Variants in GSE1 observed in about 807,000 individuals in gnomAD.
GSE1 encodes the protein Gse1 coiled-coil protein.
Under a neutral mutation model 112.6 loss-of-function variants are expected in GSE1, and 32 were observed. The ratio of observed to expected loss-of-function variants is 0.28; its 90% CI spans 0.21 to 0.38. The LOEUF is 0.38. GSE1 is among the 10% of genes least tolerant of loss of function. The pLI is 1.00. For missense variants in GSE1, 2,348 were observed against 1,699.2 expected (o/e 1.38, Z -6.71); for synonymous variants, 1,115 against 735.6 (o/e 1.52, Z -8.35).
intron 1 of GSE1, among the ~76,000 whole-genome samples, chr16:85,256,312 C>T (rs532453670): frequency 5.9e-5 from 9 of 152,268 alleles, no homozygotes; most frequent in African/African-American, 9.6e-5. Context: ...GTGGAGCACC[C>T]GCTATAAGGC....
intron 1 of GSE1, among the ~76,000 whole-genome samples, chr16:85,591,794 T>C (rs952984497): frequency 2.0e-5 from 3 of 152,246 alleles, no homozygotes; most frequent in Non-Finnish European, 4.4e-5. Flanking sequence ...TTCTGGGTGC[T>C]AGGAATTCAT....
chr16:85,625,488 C>T (rs571411312), intron 1 of GSE1, among the ~76,000 whole-genome samples: 1 of 152,334 alleles, frequency 6.6e-6, no homozygotes, highest in South Asian at 2.1e-4. Context: ...TGGGAAGCCC[C>T]TCCAGGTGAC....
At chr16:85,576,645 C>T (rs961665837) in intron 1 of GSE1, among the ~76,000 whole-genome samples, 2 of 152,162 alleles carry the variant, frequency 1.3e-5, no homozygotes, top group Admixed American at 6.5e-5. Context: ...ATGGGTATTA[C>T]GGGGCATTTT....
intron 1 of GSE1, among the ~76,000 whole-genome samples, chr16:85,260,439 C>A (rs1427407113): frequency 6.8e-6 from 1 of 146,228 alleles, no homozygotes; most frequent in Non-Finnish European, 1.5e-5. Context: ...TCTCCTGCTT[C>A]AGCGTCCCAA....
intron 1 of GSE1, among the ~76,000 whole-genome samples, chr16:85,271,347 C>T (rs953400558): frequency 6.6e-6 from 1 of 152,206 alleles, no homozygotes; most frequent in Admixed American, 6.5e-5. Flanking sequence ...GACATCTCTG[C>T]TCACATGAAT....
chr16:85,329,628 C>T (rs1034127058), intron 1 of GSE1, among the ~76,000 whole-genome samples: 1 of 151,920 alleles, frequency 6.6e-6, no homozygotes, highest in Non-Finnish European at 1.5e-5. Context: ...AGAAGGTTCG[C>T]CTGTGCCAAG....
chr16:85,191,643 C>T lies in GSE1; in HGVS notation c.2283+19836C>T, dbSNP rs141509155. 2.0e-5 allele frequency among the ~76,000 whole-genome samples: 3 copies of T among 152,324 alleles called. No individual in the cohort carries two copies. In the East Asian group the frequency reaches 5.8e-4, roughly 29 times the overall value. On this transcript the variant is annotated intron_variant, in intron 1 of 2. Transcript: ENST00000637419. The stretch of plus-strand genomic sequence containing the variant: ...TCTACGTGCCGCTGTGCCTCTTCTG[C>T]TCACTTCACGCCCCGGCATGAACAT...
At chr16:85,325,699 G>A (rs1019853489) in intron 1 of GSE1, among the ~76,000 whole-genome samples, 1 of 151,472 alleles carries the variant, frequency 6.6e-6, no homozygotes, top group Non-Finnish European at 1.5e-5. Context: ...TGATCCACCT[G>A]CCTTAGCCTC....
rs760409523 is a variant in GSE1 at position 85,603,353 on chromosome 16, C to G, written c.38-45199C>G. On this transcript the variant is annotated intron_variant, in intron 1 of 2. Coordinates refer to the GSE1 transcript ENST00000635906. ...GTCATGACTGGCTTCGCTCGTGACTCTGCTCAGCCCCCAGTGCCCGAGGGT... is the reference window on the plus strand; with the variant it reads ...GTCATGACTGGCTTCGCTCGTGACTGTGCTCAGCCCCCAGTGCCCGAGGGT... Among the ~76,000 whole-genome samples the G allele has an allele frequency of 1.9e-4, 29 of 152,184 alleles. 1 individual carries two copies. Among genetic ancestry groups the G allele is most frequent in the Non-Finnish European group, 8.8e-5 (6 of 68,026 alleles).
intron 2 of GSE1, among the ~76,000 whole-genome samples, chr16:85,374,900 A>T (rs1429787691): frequency 6.6e-6 from 1 of 152,156 alleles, no homozygotes; most frequent in African/African-American, 2.4e-5. Flanking sequence ...CCTCCTGGTG[A>T]TGGTGACATT....
Position 85,668,290 on chromosome 16 carries a change from C to A in GSE1, c.3281C>A (p.Thr1094Asn). Residue 1094 changes from threonine to asparagine, a missense_variant, in exon 14 of 16, where the codon ACC becomes AAC. Transcript: ENST00000253458. ...CCCACTGCAAGGAAGGGCCCCCCAACCCAGGAGTTGGACCGGGACTCGGAG... is the reference window on the plus strand; with the variant it reads ...CCCACTGCAAGGAAGGGCCCCCCAAACCAGGAGTTGGACCGGGACTCGGAG... ...EPPTARKGPP[T>N]QELDRDSEEE... 1 of 1,612,936 alleles carries A rather than the reference C, an allele frequency of 6.2e-7. No homozygotes were observed. Among genetic ancestry groups the A allele is most frequent in the Non-Finnish European group, 8.5e-7 (1 of 1,179,058 alleles).
Position 85,599,507 on chromosome 16 carries a change from T to C in GSE1, c.37+43144T>C, listed in dbSNP as rs187848549. On this transcript the variant is annotated intron_variant, in intron 1 of 2. Transcript: ENST00000635906. ...AGCTGGTTCTTGTGCAGAGTGAAGT[T>C]TGGGGATCGTGAGTCAACGGAAGTG... is the stretch of plus-strand genomic sequence containing the variant. 5.6e-3 allele frequency among the ~76,000 whole-genome samples: 858 copies of C among 152,232 alleles called. 7 individuals are homozygous for C. Among genetic ancestry groups the C allele is most frequent in the Non-Finnish European group, 6.0e-3 (409 of 68,008 alleles).
At chr16:85,388,331 A>G (rs867080594) in intron 2 of GSE1, among the ~76,000 whole-genome samples, 191 of 10,380 alleles carry the variant, frequency 0.018, 2 homozygotes, top group East Asian at 0.034. Context: ...TGGATGGATG[A>G]ATGGATGTAT....
Position 85,657,285 on chromosome 16 carries a change from A to C in GSE1, c.1321A>C (p.Lys441Gln). 6.4e-7 allele frequency: 1 copy of C among 1,551,138 alleles called. No homozygotes were observed. Among genetic ancestry groups the C allele is most frequent in the Non-Finnish European group, 8.7e-7 (1 of 1,148,786 alleles). ...QLTPTRAEKL[K>Q]DAGLQAPKPV... ...CGTGTTTCCCCCCACAGAGAAGCTGAAGGATGCCGGCCTGCAGGCGCCCAA... is the reference window on the plus strand; with the variant it reads ...CGTGTTTCCCCCCACAGAGAAGCTGCAGGATGCCGGCCTGCAGGCGCCCAA... Residue 441 changes from lysine to glutamine, a missense_variant, in exon 8 of 16, where the codon AAG (lysine) becomes CAG (glutamine). Physicochemically the swap from Lys to Gln is moderately conservative, Grantham distance 53. Coordinates refer to ENST00000253458, the MANE Select transcript of GSE1 (RefSeq NM_014615.5).
chr16:85,474,114 G>A (rs1450700188), intron 2 of GSE1, among the ~76,000 whole-genome samples: 1 of 152,130 alleles, frequency 6.6e-6, no homozygotes, highest in African/African-American at 2.4e-5. Context: ...GAGACGTGAG[G>A]GTTGAGGCGG....
In GSE1 at chr16:85,360,408, G is replaced by C. The variant is rs535151094; in HGVS notation, c.2464+2765G>C. On this transcript the variant is annotated intron_variant, in intron 2 of 2. Coordinates refer to the GSE1 transcript ENST00000637419. ...GGGCAGGGCCGGGGCACGAACCTGC[G>C]TCTGCCAGCTGCTCCCTGTCAGGCT... Among the ~76,000 whole-genome samples the C allele has an allele frequency of 3.9e-3, 592 of 152,268 alleles. 3 individuals carry two copies. Among genetic ancestry groups the C allele is most frequent in the African/African-American group, 0.014 (568 of 41,550 alleles).
intron 2 of GSE1, among the ~76,000 whole-genome samples, chr16:85,404,150 C>G (rs111630338): frequency 2.9e-5 from 2 of 68,052 alleles, no homozygotes; most frequent in Admixed American, 1.3e-4. Context: ...TAATCCACAC[C>G]GTTACACTCA....
upstream of GSE1, chr16:85,555,421 AG>A: frequency 3.4e-6 from 2 of 586,540 alleles, no homozygotes; most frequent in Non-Finnish European, 4.3e-6. Flanking sequence ...TGGTGGCGAG[AG>A]GGGGAGGGGA....
intron 1 of GSE1, among the ~76,000 whole-genome samples, chr16:85,288,840 T>C (rs1448401621): frequency 6.6e-6 from 1 of 152,110 alleles, no homozygotes. Context: ...GCACCCACCC[T>C]GAGAGAGAGG....
Sources: gnomAD v4.1 joint callset for allele counts (sites outside exome capture counted in the v4.1 genomes callset) on GRCh38, gnomAD v4.1.1 for gene constraint, MANE v1.5 for transcripts, NCBI Gene and HGNC (gene_info 2026-07-23, HGNC 2026-07-21) for gene names.